SCAPER: variants seen among roughly 807,000 people sequenced by gnomAD.
The protein encoded by SCAPER is S phase cyclin A-associated protein in the endoplasmic reticulum.
A neutral mutation model predicts 182.2 loss-of-function variants in SCAPER; 98 were observed. That is an observed-to-expected ratio of 0.54 (90% CI 0.46 to 0.64). SCAPER has a LOEUF of 0.64. Ranked by LOEUF, SCAPER falls within the 30% of genes least tolerant of loss-of-function variation. The probability of loss-of-function intolerance (pLI) is 0.00; values close to 1 mark genes in which losing one functional copy is unlikely to be tolerated. For synonymous variants in SCAPER, 605 were observed against 564.6 expected, an observed-to-expected ratio of 1.07 and a Z score of -1.01; for missense variants, 1,432 against 1,690.0, an observed-to-expected ratio of 0.85 and a Z score of 2.68.
intron 27 of SCAPER, 101 bp downstream of exon 27, chr15:76,404,423 A>G: frequency 8.4e-7 from 1 of 1,194,108 alleles, no homozygotes; most frequent in Non-Finnish European, 1.1e-6. Flanking sequence ...AAAGATGGCC[A>G]AGATGACCAC....
At chr15:76,876,051 C>T (rs2073132960) in intron 2 of SCAPER, among the ~76,000 whole-genome samples, 1 of 152,182 alleles carries the variant, frequency 6.6e-6, no homozygotes, top group Admixed American at 6.5e-5. Context: ...ACCCAGCGCA[C>T]CCTCCCAGCT....
chr15:76,514,351 T>C (rs1220909865), intron 23 of SCAPER, among the ~76,000 whole-genome samples: 1 of 152,196 alleles, frequency 6.6e-6, no homozygotes, highest in Non-Finnish European at 1.5e-5. Context: ...AGTGGCTCCA[T>C]TCTAATAACC....
At chr15:76,477,670 A>G (rs1285205643) in intron 24 of SCAPER, among the ~76,000 whole-genome samples, 1 of 152,206 alleles carries the variant, frequency 6.6e-6, no homozygotes, top group Non-Finnish European at 1.5e-5. Flanking sequence ...ATCTCATTAA[A>G]GCAAATATTT....
chr15:76,637,722 TTATA>T lies in SCAPER; in HGVS notation c.2646-15897_2646-15894del, dbSNP rs369760680. The stretch of plus-strand genomic sequence containing the variant: ...CCCTATCTCTACAATATATATGTGA[TTATA>T]TATATATATATATATATGTGTGTGT... On this transcript the variant is annotated intron_variant, in intron 21 of 31. Coordinates refer to ENST00000563290, the MANE Select transcript of SCAPER (RefSeq NM_020843.4). Among the ~76,000 whole-genome samples, 79 of 77,862 alleles carry T rather than the reference TTATA, an allele frequency of 1.0e-3. 3 individuals carry two copies. The highest frequency in any genetic ancestry group is 2.0e-3 in the African/African-American group (41 of 21,022). The allele number at this position is 77,862 out of a possible 152,430, so 51.1% of individuals were successfully genotyped here.
At chr15:76,494,135 G>A (rs1818102446) in intron 24 of SCAPER, among the ~76,000 whole-genome samples, 1 of 152,182 alleles carries the variant, frequency 6.6e-6, no homozygotes. Flanking sequence ...GACACAGGAG[G>A]TGACACATAG....
chr15:76,617,018 GATGA>G (rs1169232897), intron 22 of SCAPER, among the ~76,000 whole-genome samples: 1 of 152,032 alleles, frequency 6.6e-6, no homozygotes, highest in Non-Finnish European at 1.5e-5. Flanking sequence ...TTCTCCTACT[GATGA>G]ATGATCTTGC....
intron 23 of SCAPER, among the ~76,000 whole-genome samples, chr15:76,510,584 T>A (rs1209686221): frequency 6.6e-6 from 1 of 152,008 alleles, no homozygotes; most frequent in Non-Finnish European, 1.5e-5. Flanking sequence ...TTAAAAAAAA[T>A]AGATGTTGGT....
At chr15:76,633,649 T>C (rs2053345839) in intron 21 of SCAPER, among the ~76,000 whole-genome samples, 1 of 152,162 alleles carries the variant, frequency 6.6e-6, no homozygotes, top group Admixed American at 6.5e-5. Context: ...CAGGGAGGCC[T>C]TGCCTGGTGA....
intron 20 of SCAPER, among the ~76,000 whole-genome samples, chr15:76,678,891 C>T (rs1487334366): frequency 6.6e-6 from 1 of 152,118 alleles, no homozygotes; most frequent in Admixed American, 6.5e-5. Flanking sequence ...AGGACTTATG[C>T]TAACTGCTTA....
chr15:76,727,481 C>G lies in SCAPER; in HGVS notation c.2165+1114G>C, dbSNP rs907736620. Among the ~76,000 whole-genome samples the G allele has an allele frequency of 1.2e-4, 19 of 152,020 alleles. 1 individual carries two copies. Among genetic ancestry groups the G allele is most frequent in the African/African-American group, 4.1e-4 (17 of 41,484 alleles). ...GCTTATGTTAGAAAGCCTTGCAGAT[C>G]AGTAGGGAAAAAATGCATTTTTCAA... On this transcript the variant is annotated intron_variant, in intron 17 of 31. Transcript: ENST00000563290.
intron 30 of SCAPER, among the ~76,000 whole-genome samples, chr15:76,352,756 G>A (rs2040666987): frequency 6.6e-6 from 1 of 151,932 alleles, no homozygotes; most frequent in Non-Finnish European, 1.5e-5. Flanking sequence ...GGTCCATAAT[G>A]TATTTTCTAT....
chr15:76,737,533 A>C (rs891955345), intron 15 of SCAPER, among the ~76,000 whole-genome samples: 2 of 152,240 alleles, frequency 1.3e-5, no homozygotes, highest in African/African-American at 4.8e-5. Flanking sequence ...TAGAATTTTC[A>C]CAATGGTTAA....
At chr15:76,764,617 T>C (rs1289340724) in intron 14 of SCAPER, among the ~76,000 whole-genome samples, 1 of 152,230 alleles carries the variant, frequency 6.6e-6, no homozygotes, top group Non-Finnish European at 1.5e-5. Context: ...GGGCTGGCCA[T>C]GGGCAAACAC....
chr15:76,677,996 G>A (rs1335223781), intron 20 of SCAPER, among the ~76,000 whole-genome samples: 5 of 152,000 alleles, frequency 3.3e-5, no homozygotes, highest in African/African-American at 1.2e-4. Context: ...GTTCTGTCAA[G>A]TGTTGTCTCA....
chr15:76,759,599 AAAC>A (rs1174238428), intron 14 of SCAPER, among the ~76,000 whole-genome samples: 1 of 152,174 alleles, frequency 6.6e-6, no homozygotes, highest in Non-Finnish European at 1.5e-5. Flanking sequence ...ATAAACATTA[AAAC>A]AACAGCATTG....
chr15:76,516,833 C>G (rs2042463369), intron 23 of SCAPER, among the ~76,000 whole-genome samples: 2 of 152,076 alleles, frequency 1.3e-5, no homozygotes, highest in Non-Finnish European at 2.9e-5. Flanking sequence ...AACAGGAACC[C>G]AAATTTTACT....
intron 21 of SCAPER, among the ~76,000 whole-genome samples, chr15:76,626,777 A>T (rs961978275): frequency 2.6e-5 from 4 of 152,208 alleles, no homozygotes. Context: ...AAGTAATGTG[A>T]TATGTTCACT....
chr15:76,486,421 C>G (rs1044336815), intron 24 of SCAPER, among the ~76,000 whole-genome samples: 1 of 152,004 alleles, frequency 6.6e-6, no homozygotes, highest in African/African-American at 2.4e-5. Flanking sequence ...ACAGAGTAAG[C>G]AGATGACCTA....
chr15:76,639,510 G>T (rs1838050), intron 21 of SCAPER, among the ~76,000 whole-genome samples: 75,872 of 151,992 alleles, frequency 0.5, 19,736 homozygotes, highest in Middle Eastern at 0.64. Flanking sequence ...TATGAGAGTT[G>T]GGGCTGGAGA....
Sources: allele counts gnomAD v4.1 joint callset (sites outside exome capture counted in the v4.1 genomes callset), GRCh38; gene constraint gnomAD v4.1.1; transcripts MANE v1.5; gene names NCBI Gene and HGNC (gene_info 2026-07-23, HGNC 2026-07-21).